Variants in FRY observed in about 807,000 individuals in gnomAD.
FRY encodes the protein protein furry homolog.
FRY carries 128 observed loss-of-function variants against 348.4 expected under a neutral mutation model. The observed-to-expected ratio is 0.37, with a 90% CI of 0.32 to 0.43. FRY has a LOEUF of 0.43. Ranked by LOEUF, FRY falls within the 20% of genes least tolerant of loss-of-function variation. FRY has a pLI of 1.00. For synonymous variants in FRY, 1,370 were observed against 1,374.7 expected (o/e 1.00, Z 0.08); for missense variants, 2,736 against 3,695.2 (o/e 0.74, Z 6.73).
intron 36 of FRY, among the ~76,000 whole-genome samples, chr13:32,222,503 C>T (rs867156856): frequency 5.9e-5 from 9 of 152,150 alleles, no homozygotes; most frequent in African/African-American, 1.2e-4. Context: ...TGAGCTACCG[C>T]GACCAGCCAA....
chr13:32,158,994 C>T (rs1014076264), intron 16 of FRY, among the ~76,000 whole-genome samples: 2 of 136,346 alleles, frequency 1.5e-5, no homozygotes, highest in Admixed American at 1.5e-4. Flanking sequence ...AAAGGACAAC[C>T]ATATTCGTAA....
At chr13:32,226,042 C>A in intron 39 of FRY, 68 bp downstream of exon 39, 1 of 1,384,930 alleles carries the variant, frequency 7.2e-7, no homozygotes, top group South Asian at 1.2e-5. Flanking sequence ...CTGCGGGTGC[C>A]AGTGGAGCCC....
chr13:32,160,970 T>G (rs1032886274), intron 16 of FRY, among the ~76,000 whole-genome samples, 174 bp from the exon 17 acceptor site: 4 of 152,194 alleles, frequency 2.6e-5, no homozygotes, highest in Non-Finnish European at 5.9e-5. Context: ...ACTTAAAGTT[T>G]TATTAGAACT....
intron 58 of FRY, among the ~76,000 whole-genome samples, chr13:32,284,838 T>C (rs1352338724): frequency 6.6e-6 from 1 of 152,220 alleles, no homozygotes; most frequent in Non-Finnish European, 1.5e-5. Flanking sequence ...TATCAAAAGT[T>C]TCTTAGATTT....
At chr13:32,091,422 G>A (rs1876302183) in intron 2 of FRY, among the ~76,000 whole-genome samples, 1 of 152,170 alleles carries the variant, frequency 6.6e-6, no homozygotes, top group South Asian at 2.1e-4. Flanking sequence ...GAGTCTTCAG[G>A]CTCACTCTTT....
At chr13:32,201,909 G>C in intron 29 of FRY, 32 bp from the exon 30 acceptor site, 1 of 1,171,112 alleles carries the variant, frequency 8.5e-7, no homozygotes, top group Non-Finnish European at 1.3e-6. Flanking sequence ...TATAAACCAT[G>C]CTTTTTTTGT....
chr13:32,155,253 C>G (rs1881041801), intron 14 of FRY, among the ~76,000 whole-genome samples: 1 of 151,964 alleles, frequency 6.6e-6, no homozygotes, highest in African/African-American at 2.4e-5. Flanking sequence ...ATGACCATCT[C>G]AAACATGCCC....
chr13:32,140,596 G>GA (rs566138116), intron 11 of FRY, among the ~76,000 whole-genome samples: 215 of 148,620 alleles, frequency 1.4e-3, no homozygotes, highest in African/African-American at 2.7e-3. Flanking sequence ...TACATGAGAA[G>GA]AAAAAAAAAC....
chr13:32,178,964 A>T lies in FRY; in HGVS notation c.2802A>T (p.Gly934=). 3.1e-6 allele frequency: 5 copies of T among 1,613,908 alleles called. No individual in the cohort carries two copies. The highest frequency in any genetic ancestry group is 4.2e-6 in the Non-Finnish European group (5 of 1,179,796). The change falls in exon 22 of 61, where the codon GGA becomes GGT. Residue 934 remains glycine (G), a synonymous_variant. Transcript: ENST00000542859. ...CAAAACCCAGTATTATGAGCCCAGG[A>T]CACTTAAGAGCTTCCACTCCAGAAA... is the stretch of plus-strand genomic sequence containing the variant. The part of the protein sequence containing the change: ...GVAKPSIMSP[G]HLRASTPEIM...
In FRY at chr13:32,186,367, C is replaced by T. The variant is rs771312453; in HGVS notation, c.3427C>T (p.Arg1143Cys). ...PFSIMFTPLD[R>C]YSDRNHQITR... ...CAGCATTATGTTCACTCCTCTGGAT[C>T]GTTACAGTGACAGAAATCATCAGAT... The change falls in exon 27 of 61, where the codon CGT (arginine) becomes TGT (cysteine). Residue 1143 changes from arginine (R) to cysteine (C), a missense_variant. Around this residue, in one of 9 missense-constraint regions of FRY, gnomAD observed 33 missense variants for 86.7 expected, o/e 0.38. Coordinates refer to ENST00000542859, the MANE Select transcript of FRY (RefSeq NM_023037.3). 1.9e-6 allele frequency: 3 copies of T among 1,608,124 alleles called. No homozygotes were observed. The highest frequency in any genetic ancestry group is 1.7e-6 in the Non-Finnish European group (2 of 1,174,568).
intron 36 of FRY, among the ~76,000 whole-genome samples, chr13:32,219,128 G>A (rs773218719): frequency 6.8e-4 from 96 of 140,520 alleles, no homozygotes; most frequent in Non-Finnish European, 1.3e-3. Context: ...TCGCTTTGTC[G>A]CCCAGGCTGG....
At chr13:32,113,096 A>T (rs1566078135) in intron 3 of FRY, among the ~76,000 whole-genome samples, 1 of 152,242 alleles carries the variant, frequency 6.6e-6, no homozygotes, top group Non-Finnish European at 1.5e-5. Flanking sequence ...TTACTCATCA[A>T]ATACTATAAT....
chr13:32,244,382 G>A (rs1414625526), intron 47 of FRY, among the ~76,000 whole-genome samples, 200 bp downstream of exon 47: 1 of 152,158 alleles, frequency 6.6e-6, no homozygotes. Flanking sequence ...ACAAGACCCC[G>A]GCACACTCCG....
intron 1 of FRY, among the ~76,000 whole-genome samples, 166 bp downstream of exon 1, chr13:32,032,031 C>CTT (rs1371582170): frequency 7.3e-6 from 1 of 137,832 alleles, no homozygotes; most frequent in African/African-American, 2.7e-5. Flanking sequence ...CTTTTTCTTT[C>CTT]TTTCTTTCTT....
chr13:32,203,701 C>T (rs535915833), intron 31 of FRY, among the ~76,000 whole-genome samples: 5 of 147,578 alleles, frequency 3.4e-5, no homozygotes, highest in South Asian at 4.3e-4. Context: ...CCAGCCTAGG[C>T]AACAGAGTGA....
chr13:32,218,674 A>G, intron 35 of FRY, 75 bp from the exon 36 acceptor site: 1 of 776,238 alleles, frequency 1.3e-6, no homozygotes. Context: ...TGAGACTCCA[A>G]CTCAAAAAAA....
intron 50 of FRY, among the ~76,000 whole-genome samples, chr13:32,252,362 C>A (rs906337879): frequency 6.6e-6 from 1 of 152,124 alleles, no homozygotes; most frequent in African/African-American, 2.4e-5. Context: ...TTATCTTACC[C>A]ACATACAATA....
intron 42 of FRY, 38 bp downstream of exon 42, chr13:32,234,799 G>GAGAGCTCATC: frequency 1.3e-6 from 2 of 1,526,372 alleles, no homozygotes; most frequent in Non-Finnish European, 1.8e-6. Context: ...TGAAGGATGA[G>GAGAGCTCATC]CTCTCTCATC....
intron 39 of FRY, among the ~76,000 whole-genome samples, chr13:32,226,233 C>T (rs1885573968): frequency 6.6e-6 from 1 of 152,170 alleles, no homozygotes; most frequent in Non-Finnish European, 1.5e-5. Context: ...ATATGTTCCT[C>T]CTGATGCATT....
Sources: allele counts gnomAD v4.1 joint callset (sites outside exome capture counted in the v4.1 genomes callset), GRCh38; gene constraint gnomAD v4.1.1; regional missense constraint gnomAD v4.1.1; transcripts MANE v1.5; gene names NCBI Gene and HGNC (gene_info 2026-07-23, HGNC 2026-07-21).